PLA2G6: variants seen among roughly 807,000 people sequenced by gnomAD.
PLA2G6 encodes the protein phospholipase A2 group VI.
PLA2G6 carries 62 observed loss-of-function variants against 83.8 expected under a neutral mutation model. That is an observed-to-expected ratio of 0.74 (90% CI 0.60 to 0.91). The LOEUF (loss-of-function observed/expected upper bound fraction) is 0.91, where lower values mean the gene tolerates loss of function less well. PLA2G6 is among the 40% of genes least tolerant of loss of function. The probability of loss-of-function intolerance (pLI) is 0.00; values close to 1 mark genes in which losing one functional copy is unlikely to be tolerated. For synonymous variants in PLA2G6, 417 were observed against 449.8 expected (o/e 0.93, Z 0.92); for missense variants, 944 against 1,102.0 (o/e 0.86, Z 2.03).
At chr22:38,173,364 G>A (rs1443714307) in intron 1 of PLA2G6, among the ~76,000 whole-genome samples, 1 of 151,890 alleles carries the variant, frequency 6.6e-6, no homozygotes, top group African/African-American at 2.4e-5. Flanking sequence ...AGGATGCCCA[G>A]GTCACCTGAC....
At chr22:38,140,393 A>T (rs1354310219) in intron 4 of PLA2G6, 3 of 513,032 alleles carry the variant, frequency 5.8e-6, no homozygotes, top group African/African-American at 5.8e-5. Context: ...CTGTAATCCC[A>T]GCTACTCAGG....
chr22:38,174,020 T>C (rs1420864331), intron 1 of PLA2G6, among the ~76,000 whole-genome samples: 1 of 151,678 alleles, frequency 6.6e-6, no homozygotes, highest in African/African-American at 2.4e-5. Flanking sequence ...ACTACTGCAC[T>C]CCAGCCTGGG....
At chr22:38,169,963 T>C (rs993812347) in intron 1 of PLA2G6, among the ~76,000 whole-genome samples, 3 of 152,120 alleles carry the variant, frequency 2.0e-5, no homozygotes, top group Non-Finnish European at 4.4e-5. Context: ...TTCGAGAGGC[T>C]GAGGCGGGCG....
chr22:38,116,652 C>T (rs1338331151), intron 12 of PLA2G6, among the ~76,000 whole-genome samples: 1 of 151,800 alleles, frequency 6.6e-6, no homozygotes. Flanking sequence ...GTCAGGAGTT[C>T]GAGACCAGCC....
At chr22:38,130,013 C>T (rs548690056) in intron 7 of PLA2G6, among the ~76,000 whole-genome samples, 14 of 152,328 alleles carry the variant, frequency 9.2e-5, no homozygotes, top group African/African-American at 2.4e-4. Context: ...ACCGAACACA[C>T]GTGCCCCTAA....
chr22:38,160,951 T>G lies in PLA2G6; in HGVS notation c.209+8267A>C, dbSNP rs11912233. On this transcript the variant is annotated intron_variant, in intron 2 of 16. Coordinates refer to ENST00000332509, the MANE Select transcript of PLA2G6 (RefSeq NM_003560.4). Reference sequence around the variant, plus strand: ...GGTGCTGTAATGTCCTATCTCTAGATTCGAGTGGTGGTTACACAGGTGTTT... The same window carrying G: ...GGTGCTGTAATGTCCTATCTCTAGAGTCGAGTGGTGGTTACACAGGTGTTT... Among the ~76,000 whole-genome samples, 780 of 152,258 alleles carry G rather than the reference T, an allele frequency of 5.1e-3. 12 individuals are homozygous for G. Among genetic ancestry groups the G allele is most frequent in the African/African-American group, 0.018 (745 of 41,542 alleles).
intron 15 of PLA2G6, 113 bp downstream of exon 15, chr22:38,113,374 G>A: frequency 9.5e-7 from 1 of 1,057,214 alleles, no homozygotes. Flanking sequence ...AAAGGCGATG[G>A]ACAGAGCCCT....
intron 2 of PLA2G6, among the ~76,000 whole-genome samples, chr22:38,159,608 T>C (rs560975180): frequency 6.6e-6 from 1 of 152,210 alleles, no homozygotes; most frequent in South Asian, 2.1e-4. Context: ...TGCGTGCCTG[T>C]AGTCCTGGCT....
At chr22:38,121,194 A>G (rs1442921103) in intron 11 of PLA2G6, among the ~76,000 whole-genome samples, 2 of 152,168 alleles carry the variant, frequency 1.3e-5, no homozygotes, top group African/African-American at 4.8e-5. Flanking sequence ...CCTGCCCAAC[A>G]TGGTGAAACC....
chr22:38,114,704 G>T (rs903703862), intron 14 of PLA2G6, among the ~76,000 whole-genome samples: 1 of 152,198 alleles, frequency 6.6e-6, no homozygotes, highest in African/African-American at 2.4e-5. Flanking sequence ...CAGAGCCTCT[G>T]CTGCGCTGCC....
Position 38,129,523 on chromosome 22 carries a change from C to G in PLA2G6, c.1117G>C (p.Gly373Arg), listed in dbSNP as rs587784327. Residue 373 changes from glycine to arginine, a missense_variant, in exon 8 of 17, where the codon GGA becomes CGA. Gly to Arg is a moderately radical substitution (Grantham distance 125). Transcript: ENST00000332509. ...VEMIKALIVF[G>R]AEVDTPNDFG... ...TCATTCGGGGTGTCCACTTCTGCTCCGAACACGATGAGGGCCTTGATCATC... is the reference window on the plus strand; with the variant it reads ...TCATTCGGGGTGTCCACTTCTGCTCGGAACACGATGAGGGCCTTGATCATC... 1.2e-6 allele frequency: 2 copies of G among 1,613,964 alleles called. No homozygotes were observed. The highest frequency in any genetic ancestry group is 1.7e-5 in the Admixed American group (1 of 60,010).
intron 12 of PLA2G6, 113 bp downstream of exon 12, chr22:38,120,646 T>C: frequency 7.5e-7 from 1 of 1,334,576 alleles, no homozygotes; most frequent in South Asian, 1.2e-5. Flanking sequence ...TCTGCTCCCC[T>C]CAAGCGTGGG....
chr22:38,146,912 T>G (rs1165515964), intron 2 of PLA2G6: 1 of 152,020 alleles, frequency 6.6e-6, no homozygotes, highest in Admixed American at 6.6e-5. Flanking sequence ...CCTGAGTAGC[T>G]GGGATTACAG....
At chr22:38,115,109 C>T (rs2087109989) in intron 14 of PLA2G6, among the ~76,000 whole-genome samples, 1 of 152,244 alleles carries the variant, frequency 6.6e-6, no homozygotes, top group Non-Finnish European at 1.5e-5. Context: ...CCATGGAGCC[C>T]TTTCCGAGCC....
intron 1 of PLA2G6, among the ~76,000 whole-genome samples, chr22:38,179,766 C>CT (rs943034508): frequency 6.6e-6 from 1 of 152,036 alleles, no homozygotes; most frequent in African/African-American, 2.4e-5. Context: ...GAGTGAGACT[C>CT]TGTCTCAAAA....
chr22:38,114,290 C>G (rs2087056401), intron 14 of PLA2G6, among the ~76,000 whole-genome samples: 1 of 151,996 alleles, frequency 6.6e-6, no homozygotes. Flanking sequence ...ACACCATTCT[C>G]CTGCCTCAGC....
Position 38,120,851 on chromosome 22 carries a change from C to T in PLA2G6, c.1650G>A (p.Arg550=), listed in dbSNP as rs374315286. ...MYFRMKDEVF[R]GSRPYESGPL... The stretch of plus-strand genomic sequence containing the variant: ...GCCCCGACTCGTAGGGCCTGGAGCC[C>T]CGGAACACCTCATCCTTCATGCGAA... The change falls in exon 12 of 17, where the codon CGG becomes CGA. Residue 550 remains arginine (R), a synonymous_variant. Coordinates refer to ENST00000332509, the MANE Select transcript of PLA2G6 (RefSeq NM_003560.4). 6.1e-5 allele frequency: 98 copies of T among 1,613,816 alleles called. No individual in the cohort carries two copies. Among genetic ancestry groups the T allele is most frequent in the Non-Finnish European group, 4.2e-5 (50 of 1,180,042 alleles).
At chr22:38,127,488 T>C (rs1460720053) in intron 9 of PLA2G6, 1 of 1,284,802 alleles carries the variant, frequency 7.8e-7, no homozygotes, top group African/African-American at 1.5e-5. Context: ...AGATGGGAGG[T>C]GGAGGGGGAG....
intron 6 of PLA2G6, chr22:38,133,695 G>A (rs1201551715): frequency 6.5e-6 from 1 of 152,878 alleles, no homozygotes. Context: ...AGTAGGCCAT[G>A]AACTCTGGGG....
Sources: allele counts gnomAD v4.1 joint callset (sites outside exome capture counted in the v4.1 genomes callset), GRCh38; gene constraint gnomAD v4.1.1; transcripts MANE v1.5; gene names NCBI Gene and HGNC (gene_info 2026-07-23, HGNC 2026-07-21).